The following ARL14EP variants were observed in gnomAD, a reference collection of about 807,000 sequenced individuals.
ARL14EP encodes the protein ARL14 effector protein.
A neutral mutation model predicts 23.1 loss-of-function variants in ARL14EP; 12 were observed. The ratio of observed to expected loss-of-function variants is 0.52; its 90% CI spans 0.33 to 0.84. ARL14EP has a LOEUF of 0.84. ARL14EP is among the 40% of genes least tolerant of loss of function. The probability of loss-of-function intolerance (pLI) is 0.02; values close to 1 mark genes in which losing one functional copy is unlikely to be tolerated. For missense variants in ARL14EP, 253 were observed against 307.3 expected, an observed-to-expected ratio of 0.82 and a Z score of 1.32; for synonymous variants, 97 against 102.0, an observed-to-expected ratio of 0.95 and a Z score of 0.29.
At chr11:30,328,702 G>T (rs530203171) in intron 1 of ARL14EP, 1 of 152,102 alleles carries the variant, frequency 6.6e-6, no homozygotes, top group African/African-American at 2.4e-5. Context: ...CCTGAGGCCA[G>T]AGTCTTCTTT....
At chr11:30,330,005 T>C (rs1047309121) in intron 1 of ARL14EP, 1 of 152,082 alleles carries the variant, frequency 6.6e-6, no homozygotes, top group Non-Finnish European at 1.5e-5. Context: ...CTCATAAACA[T>C]GTTTAGTTTT....
intron 3 of ARL14EP, among the ~76,000 whole-genome samples, chr11:30,333,283 T>TTA (rs767976713): frequency 6.6e-6 from 1 of 152,164 alleles, no homozygotes; most frequent in African/African-American, 2.4e-5. Flanking sequence ...AGCATTGTTA[T>TTA]TATATATATA....
rs1192260385 is a variant in ARL14EP, at chr11:30,337,749, G to A, written c.*954G>A. The A allele has an allele frequency of 6.6e-6, 1 of 152,170 alleles. No individual in the cohort carries two copies. The highest frequency in any genetic ancestry group is 1.5e-5 in the Non-Finnish European group (1 of 68,028). The allele number at this position is 152,170 out of a possible 1,614,324, so 9.4% of individuals were successfully genotyped here. On this transcript the variant is annotated 3_prime_UTR_variant, in exon 4 of 4. Transcript: ENST00000282032. ...GCTGACCCAAACTTAGAAGGAGTAT[G>A]GCAGTTTGCCGTGAACATAAAAGAT...
At position 30,336,772 on chromosome 11, in the gene ARL14EP, A is replaced by C; in HGVS notation, c.760A>C (p.Ile254Leu). 6.2e-7 allele frequency: 1 copy of C among 1,614,104 alleles called. No homozygotes were observed. The highest frequency in any genetic ancestry group is 2.2e-5 in the East Asian group (1 of 44,882). Residue 254 changes from isoleucine to leucine, a missense_variant, in exon 4 of 4, where the codon ATT becomes CTT. Physicochemically the swap from Ile to Leu is conservative, Grantham distance 5 (BLOSUM62 2). Transcript: ENST00000282032. Reference sequence around the variant, plus strand: ...AATTGAAATTGAAGGAGGAGAAATAATTCATAATAAACATGCTGGATAATC... The same window carrying C: ...AATTGAAATTGAAGGAGGAGAAATACTTCATAATAAACATGCTGGATAATC... The part of the protein sequence containing the change: ...EQIEIEGGEI[I>L]HNKHAG
intron 2 of ARL14EP, 179 bp downstream of exon 2, chr11:30,331,553 G>C (rs777468346): frequency 1.4e-6 from 2 of 1,437,184 alleles, no homozygotes; most frequent in African/African-American, 2.9e-5. Flanking sequence ...GGTCAAGATT[G>C]GGGGATAAAG....
At chr11:30,331,488 T>C in intron 2 of ARL14EP, 114 bp downstream of exon 2, 3 of 1,533,314 alleles carry the variant, frequency 2.0e-6, no homozygotes, top group South Asian at 1.2e-5. Flanking sequence ...TACAGTGAAT[T>C]AAAAGGAGGG....
chr11:30,326,354 G>C (rs1947234939), intron 1 of ARL14EP, among the ~76,000 whole-genome samples: 2 of 152,174 alleles, frequency 1.3e-5, no homozygotes, highest in Admixed American at 6.5e-5. Context: ...GATTCAGGGA[G>C]AGTAAACAGT....
intron 1 of ARL14EP, among the ~76,000 whole-genome samples, chr11:30,327,032 G>T (rs1274037622): frequency 1.3e-5 from 2 of 152,182 alleles, no homozygotes; most frequent in African/African-American, 4.8e-5. Flanking sequence ...TATTTGCCAA[G>T]TCTGGTGACC....
At position 30,336,857 on chromosome 11, in the gene ARL14EP, G is replaced by T; in HGVS notation, c.*62G>T. 7.0e-7 allele frequency: 1 copy of T among 1,422,882 alleles called. No homozygotes were observed. Among genetic ancestry groups the T allele is most frequent in the Non-Finnish European group, 9.9e-7 (1 of 1,014,548 alleles). 88.1% of individuals were successfully genotyped at this position (1,422,882 alleles called of 1,614,324 possible). A position where few individuals can be genotyped will look rare whatever the true frequency, so the allele number is the denominator to read the frequency against. On this transcript the variant is annotated 3_prime_UTR_variant, in exon 4 of 4. Transcript: ENST00000282032. The stretch of plus-strand genomic sequence containing the variant: ...TATTTCTAAAAATCTGTTACTCTAA[G>T]ATACATTTTAAGCTTGATTATCATA...
intron 3 of ARL14EP, among the ~76,000 whole-genome samples, chr11:30,336,318 T>C (rs897994884): frequency 8.6e-5 from 13 of 151,934 alleles, no homozygotes; most frequent in Admixed American, 5.9e-4. Flanking sequence ...GGGAAAATTA[T>C]GCACTTCAAG....
intron 1 of ARL14EP, among the ~76,000 whole-genome samples, chr11:30,327,795 A>G (rs1947248664): frequency 9.0e-6 from 1 of 111,622 alleles, no homozygotes; most frequent in Non-Finnish European, 1.8e-5. Context: ...CATCTCTACT[A>G]AAAATACAAA....
intron 1 of ARL14EP, chr11:30,328,321 C>G (rs1193967151): frequency 6.6e-6 from 1 of 151,826 alleles, no homozygotes; most frequent in Non-Finnish European, 1.5e-5. Context: ...TTAGTAGACA[C>G]GAGATTTCAC....
chr11:30,323,542 C>G (rs1947212749), intron 1 of ARL14EP, among the ~76,000 whole-genome samples: 1 of 152,172 alleles, frequency 6.6e-6, no homozygotes, highest in Non-Finnish European at 1.5e-5. Flanking sequence ...CCGTAGACAG[C>G]CTTTATCTCT....
chr11:30,330,946 A>G lies in ARL14EP; in HGVS notation c.-3A>G, dbSNP rs367725488. On this transcript the variant is annotated 5_prime_UTR_variant, in exon 2 of 4. Transcript: ENST00000282032. Reference sequence around the variant, plus strand: ...TAAAACGGAAAATTTGCTAGAATCAAGAATGATGGATCCATGTTCAGTTGG... The same window carrying G: ...TAAAACGGAAAATTTGCTAGAATCAGGAATGATGGATCCATGTTCAGTTGG... The G allele has an allele frequency of 6.8e-6, 11 of 1,613,442 alleles. No homozygotes were observed. Among genetic ancestry groups the G allele is most frequent in the African/African-American group, 6.7e-5 (5 of 74,890 alleles).
chr11:30,327,786 A>G (rs1409381398), intron 1 of ARL14EP, among the ~76,000 whole-genome samples: 2 of 136,924 alleles, frequency 1.5e-5, no homozygotes, highest in East Asian at 4.4e-4. Context: ...GTGAAACGCC[A>G]TCTCTACTAA....
intron 1 of ARL14EP, among the ~76,000 whole-genome samples, chr11:30,325,284 C>A (rs956029163): frequency 3.3e-5 from 5 of 152,130 alleles, no homozygotes; most frequent in Non-Finnish European, 5.9e-5. Context: ...TATTTTGTTC[C>A]ACTTGATCTG....
chr11:30,332,783 T>G lies in ARL14EP; in HGVS notation c.427-83T>G. On this transcript the variant is annotated intron_variant, in intron 2 of 3. Coordinates refer to ENST00000282032, the MANE Select transcript of ARL14EP (RefSeq NM_152316.3). ...CCAGACTGTCTTCCATGTTAGGGAA[T>G]CGTCTGGTTTAACATTAAATAAAAT... 4.0e-6 allele frequency: 6 copies of G among 1,508,712 alleles called. No homozygotes were observed. The Admixed American group carries it at 1.1e-4, about 27-fold the overall frequency. The allele number at this position is 1,508,712 out of a possible 1,614,324, so 93.5% of individuals were successfully genotyped here. A position where few individuals can be genotyped will look rare whatever the true frequency, so the allele number is the denominator to read the frequency against.
chr11:30,333,801 G>A (rs565720915), intron 3 of ARL14EP, among the ~76,000 whole-genome samples: 1 of 152,312 alleles, frequency 6.6e-6, no homozygotes, highest in Admixed American at 6.5e-5. Context: ...GCTGAGACAG[G>A]CCAAAAGCTG....
At chr11:30,328,704 G>A (rs969869910) in intron 1 of ARL14EP, 1 of 151,918 alleles carries the variant, frequency 6.6e-6, no homozygotes, top group Non-Finnish European at 1.5e-5. Context: ...TGAGGCCAGA[G>A]TCTTCTTTTT....
Sources: gnomAD v4.1 joint callset for allele counts (sites outside exome capture counted in the v4.1 genomes callset) on GRCh38, gnomAD v4.1.1 for gene constraint, MANE v1.5 for transcripts, NCBI Gene and HGNC (gene_info 2026-07-23, HGNC 2026-07-21) for gene names.